The following OR10J1 variants were observed in gnomAD, a reference collection of about 807,000 sequenced individuals.
The protein encoded by OR10J1 is olfactory receptor 10J1.
For synonymous variants in OR10J1, 202 were observed against 143.8 expected, an observed-to-expected ratio of 1.40 and a Z score of -2.89; for missense variants, 474 against 376.6, an observed-to-expected ratio of 1.26 and a Z score of -2.14.
chr1:159,406,940 G>A, the OR10J1 span, among the ~76,000 whole-genome samples: 7 of 152,208 alleles, frequency 4.6e-5, no homozygotes, highest in East Asian at 1.4e-3. Context: ...CTAGTGCAAG[G>A]CCAGGCTGTG....
the OR10J1 span, among the ~76,000 whole-genome samples, chr1:159,403,940 G>T: frequency 6.6e-6 from 1 of 152,082 alleles, no homozygotes; most frequent in African/African-American, 2.4e-5. Context: ...CATAAAAAAA[G>T]AATGCAATCC....
At chr1:159,413,155 G>A in the OR10J1 span, among the ~76,000 whole-genome samples, 5 of 152,180 alleles carry the variant, frequency 3.3e-5, no homozygotes, top group African/African-American at 1.2e-4. Flanking sequence ...CCTCACACTT[G>A]TTAGAATGGC....
At chr1:159,415,901 C>G in the OR10J1 span, among the ~76,000 whole-genome samples, 1 of 150,988 alleles carries the variant, frequency 6.6e-6, no homozygotes. Context: ...TCTTTCACCT[C>G]CTTTGTTAAA....
chr1:159,422,270 C>T, the OR10J1 span, among the ~76,000 whole-genome samples: 1 of 152,064 alleles, frequency 6.6e-6, no homozygotes, highest in Non-Finnish European at 1.5e-5. Context: ...AGGGTGATCC[C>T]TAGGCCCCCA....
chr1:159,405,838 CAGA>C, the OR10J1 span: 13 of 938,480 alleles, frequency 1.4e-5, 1 homozygote, highest in Middle Eastern at 1.0e-3. Flanking sequence ...TCTCACATCA[CAGA>C]AGAAGTGGGA....
chr1:159,416,537 G>A, the OR10J1 span, among the ~76,000 whole-genome samples: 24 of 151,364 alleles, frequency 1.6e-4, no homozygotes, highest in African/African-American at 5.8e-4. Context: ...GCATTTTACT[G>A]TAGTTTTCTT....
chr1:159,421,042 C>G, the OR10J1 span, among the ~76,000 whole-genome samples: 4 of 152,182 alleles, frequency 2.6e-5, no homozygotes, highest in East Asian at 7.7e-4. Flanking sequence ...AATTTGAGTA[C>G]TTGGTCACTT....
chr1:159,414,696 G>A, the OR10J1 span, among the ~76,000 whole-genome samples: 1 of 151,794 alleles, frequency 6.6e-6, no homozygotes, highest in Non-Finnish European at 1.5e-5. Context: ...ACTAATTTAC[G>A]TTCCCACCAA....
upstream of OR10J1, among the ~76,000 whole-genome samples, chr1:159,433,439 T>C (rs1655644100): frequency 6.6e-6 from 1 of 152,180 alleles, no homozygotes; most frequent in African/African-American, 2.4e-5. Context: ...TGTCATAAGG[T>C]ATTGTAAACC....
the OR10J1 span, among the ~76,000 whole-genome samples, chr1:159,424,340 T>C: frequency 1.3e-5 from 2 of 151,224 alleles, no homozygotes; most frequent in East Asian, 3.9e-4. Flanking sequence ...TGCACATACA[T>C]ATGATTTAAA....
At chr1:159,405,019 A>G in the OR10J1 span, among the ~76,000 whole-genome samples, 1 of 152,124 alleles carries the variant, frequency 6.6e-6, no homozygotes, top group Non-Finnish European at 1.5e-5. Flanking sequence ...AGGTAGCACT[A>G]TCGAGGAGAA....
At chr1:159,433,766 A>T (rs1655656542), upstream of OR10J1, among the ~76,000 whole-genome samples, 1 of 152,152 alleles carries the variant, frequency 6.6e-6, no homozygotes. Flanking sequence ...AACCTGACCT[A>T]AGCAAGGTGG....
At chr1:159,399,405 C>T in the OR10J1 span, among the ~76,000 whole-genome samples, 1 of 151,592 alleles carries the variant, frequency 6.6e-6, no homozygotes, top group African/African-American at 2.4e-5. Flanking sequence ...CCCGTCTCTA[C>T]TAAAAAATAC....
the OR10J1 span, among the ~76,000 whole-genome samples, chr1:159,413,599 A>G: frequency 1.3e-5 from 2 of 151,826 alleles, no homozygotes; most frequent in African/African-American, 4.8e-5. Flanking sequence ...ACAAAAAACC[A>G]AACACCAAAT....
At chr1:159,399,683 G>C in the OR10J1 span, among the ~76,000 whole-genome samples, 1 of 151,644 alleles carries the variant, frequency 6.6e-6, no homozygotes, top group Non-Finnish European at 1.5e-5. Context: ...AAATTTACTG[G>C]TAATAGCAAG....
the OR10J1 span, chr1:159,432,450 C>T: frequency 1.2e-5 from 5 of 408,460 alleles, no homozygotes; most frequent in South Asian, 1.2e-4. Flanking sequence ...CCCCCAAATG[C>T]TGTCCGGTCT....
chr1:159,422,420 T>C, the OR10J1 span, among the ~76,000 whole-genome samples: 1 of 152,162 alleles, frequency 6.6e-6, no homozygotes, highest in East Asian at 1.9e-4. Flanking sequence ...TGCACCAGCC[T>C]GCAATGGAGG....
At chr1:159,406,287 G>T in the OR10J1 span, 1 of 523,704 alleles carries the variant, frequency 1.9e-6, no homozygotes, top group South Asian at 1.4e-5. Flanking sequence ...CAACAAAGAA[G>T]ACAAATCTGT....
At chr1:159,437,177 C>T (rs190196825), upstream of OR10J1, among the ~76,000 whole-genome samples, 20 of 152,148 alleles carry the variant, frequency 1.3e-4, no homozygotes, top group East Asian at 9.6e-4. Context: ...AAGAAAAATC[C>T]GGGTAAAGAG....
Sources: allele counts gnomAD v4.1 joint callset (sites outside exome capture counted in the v4.1 genomes callset), GRCh38; gene constraint gnomAD v4.1.1; transcripts MANE v1.5; gene names NCBI Gene and HGNC (gene_info 2026-07-23, HGNC 2026-07-21).